Variants in SV2C observed in about 807,000 individuals in gnomAD.
SV2C encodes solute carrier family 22 member B3.
Under a neutral mutation model 79.7 loss-of-function variants are expected in SV2C, and 49 were observed. That is an observed-to-expected ratio of 0.61 (90% CI 0.49 to 0.78). The LOEUF (loss-of-function observed/expected upper bound fraction) is 0.78. SV2C is among the 30% of genes least tolerant of loss of function. The pLI, the probability that SV2C is intolerant of heterozygous loss-of-function variation, is 0.00. For synonymous variants in SV2C, 334 were observed against 333.2 expected (o/e 1.00, Z -0.03); for missense variants, 833 against 912.9 (o/e 0.91, Z 1.13).
At chr5:76,193,773 A>G (rs1744180134) in intron 2 of SV2C, among the ~76,000 whole-genome samples, 1 of 152,184 alleles carries the variant, frequency 6.6e-6, no homozygotes, top group Admixed American at 6.5e-5. Context: ...CTGGCTAGCC[A>G]CTTACTGTCT....
chr5:76,187,188 C>T (rs1020003733), intron 2 of SV2C, among the ~76,000 whole-genome samples: 4 of 152,206 alleles, frequency 2.6e-5, no homozygotes, highest in African/African-American at 9.6e-5. Flanking sequence ...ATGCACAAAA[C>T]ACTGTAATGT....
chr5:76,018,566 C>T, the SV2C span, among the ~76,000 whole-genome samples: 1 of 151,908 alleles, frequency 6.6e-6, no homozygotes, highest in Non-Finnish European at 1.5e-5. Flanking sequence ...ATTTTTAAAC[C>T]CAAATTTTAC....
At chr5:76,232,593 T>A (rs1383220755) in intron 4 of SV2C, among the ~76,000 whole-genome samples, 2 of 151,460 alleles carry the variant, frequency 1.3e-5, no homozygotes. Context: ...AAGTGTTTAA[T>A]CCATCTTGAA....
chr5:75,996,352 T>C, the SV2C span, among the ~76,000 whole-genome samples: 1 of 152,226 alleles, frequency 6.6e-6, no homozygotes, highest in Non-Finnish European at 1.5e-5. Flanking sequence ...ATATCTCTGT[T>C]TGGTACCAGT....
the SV2C span, among the ~76,000 whole-genome samples, chr5:76,068,004 A>G: frequency 1.7e-3 from 263 of 152,232 alleles, 7 homozygotes; most frequent in East Asian, 0.049. Context: ...ACTATCAATC[A>G]TGATAGTTTC....
intron 2 of SV2C, among the ~76,000 whole-genome samples, chr5:76,149,646 G>A (rs773300782): frequency 1.3e-5 from 2 of 152,170 alleles, no homozygotes; most frequent in Non-Finnish European, 2.9e-5. Context: ...GTGAAGTTTT[G>A]TGTGCCATTT....
chr5:75,978,896 T>C, the SV2C span, among the ~76,000 whole-genome samples: 1 of 151,978 alleles, frequency 6.6e-6, no homozygotes. Flanking sequence ...GCAGGAGGAT[T>C]GCTTGAGCCT....
the SV2C span, among the ~76,000 whole-genome samples, chr5:76,021,420 G>C: frequency 6.6e-6 from 1 of 152,100 alleles, no homozygotes; most frequent in African/African-American, 2.4e-5. Flanking sequence ...ATAGCATCAG[G>C]TTTCCTATTC....
In SV2C at chr5:76,132,069, G is replaced by A. The variant is rs564825385; in HGVS notation, c.319G>A (p.Val107Met). The A allele has an allele frequency of 1.2e-5, 20 of 1,612,234 alleles. No individual in the cohort carries two copies. Among genetic ancestry groups the A allele is most frequent in the South Asian group, 1.2e-4 (11 of 90,850 alleles). ...TATGAACCAAGCGAAGGACAGCATC[G>A]TGTCAGTGGGGCAGCCCAAGGGCGA... ...PSMNQAKDSI[V>M]SVGQPKGDEY... Residue 107 changes from valine (V) to methionine (M), a missense_variant, in exon 2 of 13, where the codon GTG becomes ATG. Physicochemically the swap from Val to Met is conservative, Grantham distance 21 (BLOSUM62 1). Coordinates refer to ENST00000502798, the MANE Select transcript of SV2C (RefSeq NM_014979.4).
In SV2C at chr5:76,135,339, A is replaced by G. The variant is rs186022798; in HGVS notation, c.580+3009A>G. ...CCCATTTGAGCTGAAATGCCCAGAG[A>G]TTTGGAAGTCATCTTGTTTAAGACA... On this transcript the variant is annotated intron_variant, in intron 2 of 12. Coordinates refer to ENST00000502798, the MANE Select transcript of SV2C (RefSeq NM_014979.4). Among the ~76,000 whole-genome samples, 554 of 152,316 alleles carry G rather than the reference A, an allele frequency of 3.6e-3. 2 individuals carry two copies. Among genetic ancestry groups the G allele is most frequent in the African/African-American group, 0.013 (534 of 41,572 alleles).
In SV2C at chr5:76,201,968, C is replaced by T. The variant is rs542631391; in HGVS notation, c.761+6869C>T. On this transcript the variant is annotated intron_variant, in intron 3 of 12. Transcript: ENST00000502798. ...GAGGCGGAGCTTGCAGTGAGCTGAG[C>T]TCGCGCCACTGCACTCCAGCCTGGG... Among the ~76,000 whole-genome samples, 487 of 146,428 alleles carry T rather than the reference C, an allele frequency of 3.3e-3. 3 individuals are homozygous for T. The highest frequency in any genetic ancestry group is 9.4e-3 in the Admixed American group (134 of 14,290).
the SV2C span, among the ~76,000 whole-genome samples, chr5:75,877,505 T>C: frequency 6.6e-6 from 1 of 152,000 alleles, no homozygotes; most frequent in Non-Finnish European, 1.5e-5. Flanking sequence ...ATATGCCATA[T>C]GTTGGATCAT....
chr5:76,279,267 G>A (rs927531230), intron 4 of SV2C, among the ~76,000 whole-genome samples: 20 of 152,180 alleles, frequency 1.3e-4, no homozygotes, highest in Non-Finnish European at 1.3e-4. Context: ...GTATATTTCT[G>A]GAGCTCTGGG....
chr5:76,094,415 A>G (rs1747478491), intron 1 of SV2C, among the ~76,000 whole-genome samples: 1 of 152,184 alleles, frequency 6.6e-6, no homozygotes, highest in South Asian at 2.1e-4. Context: ...GGAATCATAC[A>G]GTATGTACTC....
chr5:76,337,122 T>C (rs1749345506), downstream of SV2C, among the ~76,000 whole-genome samples: 1 of 152,092 alleles, frequency 6.6e-6, no homozygotes, highest in African/African-American at 2.4e-5. Context: ...TACCACAGAC[T>C]GGGTGGCTTA....
intron 1 of SV2C, 46 bp downstream of exon 1, chr5:76,083,558 C>T (rs1221953041): frequency 1.3e-5 from 2 of 152,376 alleles, no homozygotes; most frequent in African/African-American, 4.8e-5. Flanking sequence ...GACTTTCCCC[C>T]GCTGCTGGAT....
At chr5:76,274,813 C>T (rs1746975005) in intron 4 of SV2C, among the ~76,000 whole-genome samples, 2 of 151,950 alleles carry the variant, frequency 1.3e-5, no homozygotes, top group Non-Finnish European at 2.9e-5. Context: ...CCTGAGTTTC[C>T]AGCCAAGGAT....
At chr5:76,059,253 A>G in the SV2C span, among the ~76,000 whole-genome samples, 1 of 152,096 alleles carries the variant, frequency 6.6e-6, no homozygotes, top group South Asian at 2.1e-4. Context: ...TTAAAATAAA[A>G]TAAAAATAAA....
the SV2C span, among the ~76,000 whole-genome samples, chr5:75,950,436 T>C: frequency 6.6e-6 from 1 of 152,012 alleles, no homozygotes; most frequent in Non-Finnish European, 1.5e-5. Flanking sequence ...ACGATGAATA[T>C]TACAAAGTAA....
Sources: allele counts gnomAD v4.1 joint callset (sites outside exome capture counted in the v4.1 genomes callset), GRCh38; gene constraint gnomAD v4.1.1; transcripts MANE v1.5; gene names NCBI Gene and HGNC (gene_info 2026-07-23, HGNC 2026-07-21).